The following TSHZ2 variants were observed in gnomAD, a reference collection of about 807,000 sequenced individuals.
The protein encoded by TSHZ2 is teashirt zinc finger homeobox 2.
A neutral mutation model predicts 74.4 loss-of-function variants in TSHZ2; 21 were observed. The ratio of observed to expected loss-of-function variants is 0.28; its 90% CI spans 0.20 to 0.41. The LOEUF is 0.41. Ranked by LOEUF, TSHZ2 falls within the 10% of genes least tolerant of loss-of-function variation. The probability of loss-of-function intolerance (pLI) is 1.00; values close to 1 mark genes in which losing one functional copy is unlikely to be tolerated. For missense variants in TSHZ2, 1,244 were observed against 1,293.5 expected, an observed-to-expected ratio of 0.96 and a Z score of 0.59; for synonymous variants, 540 against 515.3, an observed-to-expected ratio of 1.05 and a Z score of -0.65.
At chr20:53,390,183 G>C (rs913415317) in intron 2 of TSHZ2, among the ~76,000 whole-genome samples, 1 of 152,190 alleles carries the variant, frequency 6.6e-6, no homozygotes, top group Non-Finnish European at 1.5e-5. Context: ...TTCCGGGAGA[G>C]TAAATGCTTA....
chr20:53,038,908 G>GTTTGT (rs146845423), intron 1 of TSHZ2, among the ~76,000 whole-genome samples: 76 of 148,096 alleles, frequency 5.1e-4, no homozygotes, highest in African/African-American at 1.8e-3. Context: ...TTGTTTGTTT[G>GTTTGT]TTTTTGAGAT....
At position 53,465,429 on chromosome 20, in the gene TSHZ2, C is replaced by T. The variant is rs778457314; in HGVS notation, c.*9-21715C>T. On this transcript the variant is annotated intron_variant, in intron 2 of 2. Transcript: ENST00000371497. ...GGGACTACAGGCACCCACCACCACACCCGACTAATTTTTGTATTTTTAGTA... is the reference window on the plus strand; with the variant it reads ...GGGACTACAGGCACCCACCACCACATCCGACTAATTTTTGTATTTTTAGTA... Among the ~76,000 whole-genome samples the T allele has an allele frequency of 2.0e-5, 3 of 152,020 alleles. No homozygotes were observed. The South Asian group carries it at 6.2e-4, about 32-fold the overall frequency.
intron 2 of TSHZ2, among the ~76,000 whole-genome samples, chr20:53,299,242 G>T (rs373940015): frequency 6.6e-6 from 1 of 152,186 alleles, no homozygotes; most frequent in African/African-American, 2.4e-5. Flanking sequence ...GGTCAAGAAA[G>T]AATTGAGGCA....
chr20:53,280,677 G>C (rs1162542552), intron 2 of TSHZ2, among the ~76,000 whole-genome samples: 1 of 149,080 alleles, frequency 6.7e-6, no homozygotes, highest in Admixed American at 6.8e-5. Context: ...TGTTGTTGTT[G>C]TTGTTGTGTG....
At chr20:53,146,347 C>T (rs1018963311) in intron 1 of TSHZ2, among the ~76,000 whole-genome samples, 2 of 152,018 alleles carry the variant, frequency 1.3e-5, no homozygotes, top group Non-Finnish European at 2.9e-5. Context: ...ATTGTGTAGA[C>T]GGAGCCTAAA....
chr20:53,373,026 C>G (rs1028738085), intron 2 of TSHZ2, among the ~76,000 whole-genome samples: 2 of 152,206 alleles, frequency 1.3e-5, no homozygotes, highest in Non-Finnish European at 2.9e-5. Context: ...TCCATCACAT[C>G]TCTGATGAGT....
chr20:53,142,452 T>C (rs1987425945), intron 1 of TSHZ2, among the ~76,000 whole-genome samples: 1 of 152,200 alleles, frequency 6.6e-6, no homozygotes, highest in South Asian at 2.1e-4. Context: ...CCAATCACTG[T>C]GGTCAGAGGT....
intron 1 of TSHZ2, among the ~76,000 whole-genome samples, chr20:52,981,019 G>A (rs1355317542): frequency 6.6e-6 from 1 of 152,190 alleles, no homozygotes; most frequent in Admixed American, 6.5e-5. Flanking sequence ...TGTGCACGGT[G>A]CCATTTGGTA....
intron 1 of TSHZ2, among the ~76,000 whole-genome samples, chr20:52,973,963 G>C (rs1981232055): frequency 6.6e-6 from 1 of 152,164 alleles, no homozygotes; most frequent in Non-Finnish European, 1.5e-5. Context: ...GGTTGTAGGG[G>C]GGAAATTCCC....
In TSHZ2 at chr20:53,126,213, C is replaced by T. The variant is rs192635545; in HGVS notation, c.41-127286C>T. Among the ~76,000 whole-genome samples the T allele has an allele frequency of 5.3e-3, 810 of 152,278 alleles. 1 individual carries two copies. The highest frequency in any genetic ancestry group is 5.1e-3 in the Non-Finnish European group (347 of 68,024). On this transcript the variant is annotated intron_variant, in intron 1 of 2. Transcript: ENST00000371497. ...TCTAGATCTTTTGGCACATAAACAT[C>T]GATTAGATTTGGCAGAGCGATGTCC...
chr20:53,041,725 G>A (rs1336449829), intron 1 of TSHZ2, among the ~76,000 whole-genome samples: 8 of 152,242 alleles, frequency 5.3e-5, no homozygotes, highest in Admixed American at 5.2e-4. Context: ...CCAAAAGTAT[G>A]CAGCTGGTAA....
intron 1 of TSHZ2, among the ~76,000 whole-genome samples, chr20:53,020,853 A>C (rs1983217551): frequency 1.3e-5 from 2 of 152,242 alleles, no homozygotes; most frequent in Admixed American, 1.3e-4. Context: ...AATTAAGACC[A>C]TAGGCTCCGG....
chr20:53,023,569 C>G (rs1417196314), intron 1 of TSHZ2, among the ~76,000 whole-genome samples: 1 of 151,718 alleles, frequency 6.6e-6, no homozygotes, highest in Non-Finnish European at 1.5e-5. Flanking sequence ...ATACTTGAAG[C>G]CATCATAGTT....
chr20:53,205,809 C>T (rs1024336998), intron 1 of TSHZ2, among the ~76,000 whole-genome samples: 1 of 152,190 alleles, frequency 6.6e-6, no homozygotes, highest in African/African-American at 2.4e-5. Context: ...GTGATCAGTG[C>T]AGTGTGAGCT....
intron 2 of TSHZ2, among the ~76,000 whole-genome samples, chr20:53,312,136 C>T (rs1392945241): frequency 6.6e-6 from 1 of 152,122 alleles, no homozygotes; most frequent in African/African-American, 2.4e-5. Flanking sequence ...CAACTGCACT[C>T]ACATGACAAG....
chr20:53,165,371 C>T lies in TSHZ2; in HGVS notation c.41-88128C>T, dbSNP rs538374352. On this transcript the variant is annotated intron_variant, in intron 1 of 2. Transcript: ENST00000371497. ...AGATTTGTCTGCCTTCAAGCCTTTT[C>T]CTAATCAATTATCCAACATCACACC... Among the ~76,000 whole-genome samples the T allele has an allele frequency of 1.2e-4, 18 of 152,318 alleles. No homozygotes were observed. In the South Asian group the frequency reaches 1.7e-3, roughly 14 times the overall value.
At chr20:53,054,691 A>T (rs1984581440) in intron 1 of TSHZ2, among the ~76,000 whole-genome samples, 1 of 152,136 alleles carries the variant, frequency 6.6e-6, no homozygotes, top group African/African-American at 2.4e-5. Flanking sequence ...CAAAAGTAAG[A>T]TGTTTAACTT....
intron 1 of TSHZ2, among the ~76,000 whole-genome samples, chr20:53,137,411 C>T (rs768665668): frequency 1.1e-4 from 16 of 149,966 alleles, no homozygotes; most frequent in African/African-American, 3.4e-4. Flanking sequence ...CATAACTGTT[C>T]GTTAGGCATT....
chr20:53,137,296 CTTTT>C (rs759993398), intron 1 of TSHZ2, among the ~76,000 whole-genome samples: 26 of 135,270 alleles, frequency 1.9e-4, no homozygotes, highest in African/African-American at 6.6e-4. Context: ...ATTCGTGTTT[CTTTT>C]TTTTTTTTTT....
Sources: gnomAD v4.1 joint callset for allele counts (sites outside exome capture counted in the v4.1 genomes callset) on GRCh38, gnomAD v4.1.1 for gene constraint, MANE v1.5 for transcripts, NCBI Gene and HGNC (gene_info 2026-07-23, HGNC 2026-07-21) for gene names.